The following L2HGDH variants were observed in gnomAD, a reference collection of about 807,000 sequenced individuals.
The protein encoded by L2HGDH is L-2-hydroxyglutarate dehydrogenase, mitochondrial.
In L2HGDH, 34 loss-of-function variants were observed where a neutral mutation model predicts 51.5. The observed-to-expected ratio is 0.66, with a 90% CI of 0.50 to 0.88. The LOEUF is 0.88. Among genes scored for constraint, L2HGDH ranks in the 40% least tolerant of loss-of-function variants. The pLI is 0.00. For synonymous variants in L2HGDH, 198 were observed against 197.9 expected, an observed-to-expected ratio of 1.00 and a Z score of -0.01; for missense variants, 558 against 571.9, an observed-to-expected ratio of 0.98 and a Z score of 0.25.
At chr14:50,281,936 G>T (rs146595254) in intron 5 of L2HGDH, among the ~76,000 whole-genome samples, 1 of 152,278 alleles carries the variant, frequency 6.6e-6, no homozygotes, top group Non-Finnish European at 1.5e-5. Context: ...CACCTCCCGG[G>T]TTCAAGCTAT....
At chr14:50,278,170 C>G (rs970725063) in intron 6 of L2HGDH, among the ~76,000 whole-genome samples, 2 of 152,210 alleles carry the variant, frequency 1.3e-5, no homozygotes, top group African/African-American at 4.8e-5. Flanking sequence ...GTCCATCTCC[C>G]TCTGGACAAC....
chr14:50,268,024 G>T, intron 7 of L2HGDH, 114 bp from the exon 8 acceptor site: 1 of 1,020,826 alleles, frequency 9.8e-7, no homozygotes, highest in Non-Finnish European at 1.5e-6. Flanking sequence ...AATTTGTATT[G>T]TGAGCTGTAC....
rs548165649 is a variant in L2HGDH, at chr14:50,307,024, C to T, written c.141-4007G>A. Among the ~76,000 whole-genome samples, 3 of 152,194 alleles carry T rather than the reference C, an allele frequency of 2.0e-5. No homozygotes were observed. In the East Asian group the frequency reaches 5.8e-4, roughly 30 times the overall value. The stretch of plus-strand genomic sequence containing the variant: ...AGAGACGAGGTTTCACCACGTTGGT[C>T]AGGCTGGTCTCAAACTCCTGACCTC... On this transcript the variant is annotated intron_variant, in intron 1 of 9. Transcript: ENST00000267436.
At chr14:50,310,271 T>C (rs1201922127) in intron 1 of L2HGDH, among the ~76,000 whole-genome samples, 1 of 151,622 alleles carries the variant, frequency 6.6e-6, no homozygotes, top group Non-Finnish European at 1.5e-5. Context: ...GGATCTTATA[T>C]TTTGCCCAGG....
chr14:50,281,233 T>C (rs1021676119), intron 5 of L2HGDH, among the ~76,000 whole-genome samples: 3 of 152,106 alleles, frequency 2.0e-5, no homozygotes, highest in African/African-American at 4.8e-5. Flanking sequence ...TTGATATATA[T>C]AGACAAGCCA....
intron 9 of L2HGDH, among the ~76,000 whole-genome samples, chr14:50,251,868 A>G (rs1334811070): frequency 6.6e-6 from 1 of 152,136 alleles, no homozygotes; most frequent in Non-Finnish European, 1.5e-5. Context: ...AATACTAAAG[A>G]GAGTTCTTCA....
intron 9 of L2HGDH, among the ~76,000 whole-genome samples, chr14:50,250,619 G>A (rs563967303): frequency 6.6e-6 from 1 of 152,298 alleles, no homozygotes; most frequent in East Asian, 1.9e-4. Flanking sequence ...CTGGCTTCAG[G>A]TCTGACCCAG....
intron 1 of L2HGDH, among the ~76,000 whole-genome samples, chr14:50,308,023 T>C (rs1327176325): frequency 1.3e-5 from 2 of 151,982 alleles, no homozygotes; most frequent in Non-Finnish European, 2.9e-5. Flanking sequence ...AACTAAGAAA[T>C]TGGAAAAAAA....
chr14:50,296,700 A>G (rs1267136885), intron 3 of L2HGDH, among the ~76,000 whole-genome samples: 1 of 152,052 alleles, frequency 6.6e-6, no homozygotes, highest in African/African-American at 2.4e-5. Context: ...AAAAAACAGA[A>G]GAGTAAGAAT....
At position 50,244,409 on chromosome 14, in the gene L2HGDH, C is replaced by A. The variant is rs1887915707; in HGVS notation, c.*2649G>T. ...TGAGGACTGCTTCAATTAGGACAAT[C>A]ATTTTTTGTAATTCAATGTTTACAA... On this transcript the variant is annotated 3_prime_UTR_variant, in exon 10 of 10. Transcript: ENST00000267436. 1 of 985,222 alleles carries A rather than the reference C, an allele frequency of 1.0e-6. No individual in the cohort carries two copies. 61.0% of individuals were successfully genotyped at this position (985,222 alleles called of 1,614,324 possible).
Position 50,265,487 on chromosome 14 carries a change from C to A in L2HGDH, c.1067G>T (p.Gly356Val). 1 of 1,611,764 alleles carries A rather than the reference C, an allele frequency of 6.2e-7. No individual in the cohort carries two copies. Among genetic ancestry groups the A allele is most frequent in the South Asian group, 1.1e-5 (1 of 90,918 alleles). The change falls in exon 9 of 10, where the codon GGC (glycine) becomes GTC (valine). Residue 356 changes from glycine (G) to valine (V), a missense_variant and splice_region_variant. By Grantham distance (109) the Gly-to-Val change is moderately radical. This residue lies in a region of L2HGDH where 321 missense variants were observed against 311.8 expected (regional missense o/e 1.03). Transcript: ENST00000267436. ...TDVMDIIINS[G>V]LIKLASQNFS... The stretch of plus-strand genomic sequence containing the variant: ...ATTCTGGGATGCCAGTTTAATCAAG[C>A]CACTGAAAACAGAGAAAAAAAATCT...
chr14:50,290,218 G>C (rs1316193043), intron 4 of L2HGDH, among the ~76,000 whole-genome samples: 2 of 151,962 alleles, frequency 1.3e-5, no homozygotes, highest in Non-Finnish European at 2.9e-5. Context: ...AGTGAGTCGA[G>C]ATCACGCCAC....
intron 9 of L2HGDH, among the ~76,000 whole-genome samples, chr14:50,259,055 A>G (rs10151883): frequency 0.86 from 126,323 of 146,052 alleles, 54,714 homozygotes; most frequent in East Asian, 0.91. Flanking sequence ...ACAAGGTCTC[A>G]TATTGCCCAG....
rs750814592 is a variant in L2HGDH, at chr14:50,302,048, T to C, written c.377A>G (p.Gln126Arg). The C allele has an allele frequency of 5.6e-6, 9 of 1,614,078 alleles. No homozygotes were observed. The highest frequency in any genetic ancestry group is 6.8e-6 in the Non-Finnish European group (8 of 1,180,058). ...ACACTGCTTGTAGGAAATTCCCTTT[T>C]GCTGACAGTACTCATAGAGGAGGGC... is the stretch of plus-strand genomic sequence containing the variant. ...GAALLYEYCQ[Q>R]KGISYKQCGK... Residue 126 changes from glutamine to arginine, a missense_variant, in exon 3 of 10, where the codon CAA becomes CGA. Physicochemically the swap from Gln to Arg is conservative, Grantham distance 43. Coordinates refer to ENST00000267436, the MANE Select transcript of L2HGDH (RefSeq NM_024884.3).
chr14:50,267,771 A>G lies in L2HGDH; in HGVS notation c.1046T>C (p.Met349Thr). ...RPFDFSATDV[M>T]DIIINSGLIK... ...ATGTTACCTATTGATAATTATATCCATAACATCTGTGGCACTGAAGTCAAA... is the reference window on the plus strand; with the variant it reads ...ATGTTACCTATTGATAATTATATCCGTAACATCTGTGGCACTGAAGTCAAA... The change falls in exon 8 of 10, where the codon ATG becomes ACG. Residue 349 changes from methionine (M) to threonine (T), a missense_variant. Around this residue, in one of 3 missense-constraint regions of L2HGDH, gnomAD observed 321 missense variants for 311.8 expected, o/e 1.03. Transcript: ENST00000267436. The G allele has an allele frequency of 6.2e-7, 1 of 1,611,680 alleles. No homozygotes were observed. The highest frequency in any genetic ancestry group is 8.5e-7 in the Non-Finnish European group (1 of 1,177,720).
intron 4 of L2HGDH, among the ~76,000 whole-genome samples, chr14:50,289,729 C>G (rs1251352290): frequency 6.6e-6 from 1 of 152,088 alleles, no homozygotes; most frequent in Admixed American, 6.6e-5. Context: ...TAGCCGAATG[C>G]CTTATACATA....
At chr14:50,279,075 G>T (rs900294348) in intron 5 of L2HGDH, among the ~76,000 whole-genome samples, 1 of 152,116 alleles carries the variant, frequency 6.6e-6, no homozygotes, top group Admixed American at 6.6e-5. Context: ...TTTATAAAGC[G>T]TATGTAGAGC....
intron 6 of L2HGDH, 66 bp downstream of exon 6, chr14:50,278,454 T>C: frequency 3.0e-6 from 3 of 1,002,744 alleles, no homozygotes; most frequent in Non-Finnish European, 4.7e-6. Context: ...GCCCTGTGGG[T>C]TAATTTAATT....
chr14:50,262,749 CT>C (rs1889105670), intron 9 of L2HGDH, among the ~76,000 whole-genome samples: 3 of 152,080 alleles, frequency 2.0e-5, no homozygotes, highest in Admixed American at 1.3e-4. Flanking sequence ...TCAAACGTAT[CT>C]TCCCCCGAGA....
Sources: allele counts gnomAD v4.1 joint callset (sites outside exome capture counted in the v4.1 genomes callset), GRCh38; gene constraint gnomAD v4.1.1; regional missense constraint gnomAD v4.1.1; transcripts MANE v1.5; gene names NCBI Gene and HGNC (gene_info 2026-07-23, HGNC 2026-07-21).